Variants in NRXN1 observed in about 807,000 individuals in gnomAD.
NRXN1 encodes neurexin 1.
In NRXN1, 39 loss-of-function variants were observed where a neutral mutation model predicts 150.9. That is an observed-to-expected ratio of 0.26 (90% CI 0.20 to 0.34). The LOEUF (loss-of-function observed/expected upper bound fraction) is 0.34. Among genes scored for constraint, NRXN1 ranks in the 10% least tolerant of loss-of-function variants. The pLI is 1.00. For synonymous variants in NRXN1, 924 were observed against 757.0 expected, an observed-to-expected ratio of 1.22 and a Z score of -3.62; for missense variants, 1,815 against 1,949.9, an observed-to-expected ratio of 0.93 and a Z score of 1.30.
intron 17 of NRXN1, among the ~76,000 whole-genome samples, chr2:50,402,640 C>T (rs569572393): frequency 1.3e-5 from 2 of 152,100 alleles, no homozygotes; most frequent in South Asian, 4.1e-4. Flanking sequence ...GGCACAAAAA[C>T]GAAAGGAATG....
chr2:50,626,371 C>T (rs563396097), intron 5 of NRXN1, among the ~76,000 whole-genome samples: 5 of 151,812 alleles, frequency 3.3e-5, no homozygotes, highest in South Asian at 2.1e-4. Context: ...AAGTTGCCTG[C>T]GTAAAGATGG....
chr2:50,340,748 A>G (rs2077490696), intron 17 of NRXN1, among the ~76,000 whole-genome samples: 1 of 152,184 alleles, frequency 6.6e-6, no homozygotes, highest in South Asian at 2.1e-4. Flanking sequence ...GAAAAACGAA[A>G]CAAGAATATG....
At chr2:50,102,127 T>A (rs1186343679) in intron 18 of NRXN1, among the ~76,000 whole-genome samples, 5 of 151,954 alleles carry the variant, frequency 3.3e-5, no homozygotes, top group African/African-American at 1.2e-4. Context: ...AAAATAAATC[T>A]ATGTTCATGT....
intron 17 of NRXN1, among the ~76,000 whole-genome samples, chr2:50,278,270 ATGT>A (rs1558437194): frequency 4.8e-4 from 42 of 88,108 alleles, no homozygotes; most frequent in African/African-American, 1.9e-3. Flanking sequence ...TATATTATAT[ATGT>A]ATTATATATA....
intron 5 of NRXN1, among the ~76,000 whole-genome samples, chr2:50,820,208 T>A (rs1218227922): frequency 2.0e-5 from 3 of 152,132 alleles, no homozygotes; most frequent in African/African-American, 4.8e-5. Context: ...TTAATTCCTA[T>A]TGAACTTACT....
intron 19 of NRXN1, among the ~76,000 whole-genome samples, chr2:50,078,569 C>A (rs1259884772): frequency 6.6e-6 from 1 of 152,068 alleles, no homozygotes; most frequent in East Asian, 1.9e-4. Flanking sequence ...CAGGATCTAA[C>A]CCAGCTCCCA....
At chr2:50,342,793 C>T (rs1397041658) in intron 17 of NRXN1, among the ~76,000 whole-genome samples, 1 of 152,210 alleles carries the variant, frequency 6.6e-6, no homozygotes, top group South Asian at 2.1e-4. Flanking sequence ...CCTCTGAGCT[C>T]ATAGAATTGC....
chr2:50,726,040 G>C (rs201467074), intron 5 of NRXN1, among the ~76,000 whole-genome samples: 1 of 152,168 alleles, frequency 6.6e-6, no homozygotes, highest in East Asian at 1.9e-4. Flanking sequence ...CTTTGTCTTG[G>C]GGTGTCCTGG....
At chr2:50,921,560 CT>C (rs1462029549) in intron 5 of NRXN1, among the ~76,000 whole-genome samples, 4 of 151,604 alleles carry the variant, frequency 2.6e-5, no homozygotes, top group Non-Finnish European at 5.9e-5. Flanking sequence ...AGTTCCTACA[CT>C]TATTTAAGTA....
chr2:50,791,138 A>G (rs58695546), intron 5 of NRXN1, among the ~76,000 whole-genome samples: 1 of 132,468 alleles, frequency 7.5e-6, no homozygotes, highest in East Asian at 3.3e-4. Context: ...TTTTTTTTTT[A>G]AAAAAAAAGA....
At chr2:50,286,241 T>C (rs1353844785) in intron 17 of NRXN1, among the ~76,000 whole-genome samples, 1 of 152,118 alleles carries the variant, frequency 6.6e-6, no homozygotes, top group Non-Finnish European at 1.5e-5. Flanking sequence ...TTCTCCTATC[T>C]AACTGAAATT....
At chr2:50,891,844 CACTT>C (rs1681110996) in intron 5 of NRXN1, among the ~76,000 whole-genome samples, 1 of 151,976 alleles carries the variant, frequency 6.6e-6, no homozygotes, top group Non-Finnish European at 1.5e-5. Flanking sequence ...TCAACATATT[CACTT>C]GTTTCTTCAT....
At chr2:50,665,097 C>G (rs978401794) in intron 5 of NRXN1, among the ~76,000 whole-genome samples, 1 of 151,856 alleles carries the variant, frequency 6.6e-6, no homozygotes, top group Non-Finnish European at 1.5e-5. Context: ...CCACAGGCCA[C>G]GTTTTTCCTC....
At chr2:50,661,688 T>C (rs1217893379) in intron 5 of NRXN1, among the ~76,000 whole-genome samples, 1 of 152,082 alleles carries the variant, frequency 6.6e-6, no homozygotes, top group Non-Finnish European at 1.5e-5. Flanking sequence ...TCTATACAGC[T>C]AGGGTTTCCC....
At chr2:50,122,458 T>C (rs1703991169) in intron 18 of NRXN1, among the ~76,000 whole-genome samples, 1 of 152,218 alleles carries the variant, frequency 6.6e-6, no homozygotes, top group African/African-American at 2.4e-5. Context: ...CTGTGGCCTA[T>C]ATGGGAGAGA....
At chr2:50,515,361 A>C (rs1181406501) in intron 12 of NRXN1, among the ~76,000 whole-genome samples, 2 of 152,160 alleles carry the variant, frequency 1.3e-5, no homozygotes, top group Non-Finnish European at 2.9e-5. Context: ...ATTACAATGT[A>C]ATAGTAATAG....
intron 2 of NRXN1, among the ~76,000 whole-genome samples, chr2:50,988,457 T>C (rs1021288194): frequency 6.6e-6 from 1 of 151,930 alleles, no homozygotes; most frequent in Non-Finnish European, 1.5e-5. Flanking sequence ...GCCAATTTTG[T>C]TTGGAAAATC....
At chr2:50,887,725 G>A (rs1045428286) in intron 5 of NRXN1, among the ~76,000 whole-genome samples, 5 of 150,778 alleles carry the variant, frequency 3.3e-5, no homozygotes, top group African/African-American at 4.8e-5. Flanking sequence ...TTTTTCTATC[G>A]TGTTTCATTC....
At chr2:50,901,486 G>A (rs375872983) in intron 5 of NRXN1, among the ~76,000 whole-genome samples, 28 of 152,068 alleles carry the variant, frequency 1.8e-4, no homozygotes, top group Non-Finnish European at 2.6e-4. Context: ...GCAGTGAGCC[G>A]AGATTGCGCC....
Sources: gnomAD v4.1 joint callset for allele counts (sites outside exome capture counted in the v4.1 genomes callset) on GRCh38, gnomAD v4.1.1 for gene constraint, MANE v1.5 for transcripts, NCBI Gene and HGNC (gene_info 2026-07-23, HGNC 2026-07-21) for gene names.